DGKZ: variants seen among roughly 807,000 people sequenced by gnomAD.
The protein encoded by DGKZ is diacylglycerol kinase zeta.
A neutral mutation model predicts 142.5 loss-of-function variants in DGKZ; 45 were observed. That is an observed-to-expected ratio of 0.32 (90% CI 0.25 to 0.40). The LOEUF is 0.40. Among genes scored for constraint, DGKZ ranks in the 10% least tolerant of loss-of-function variants. The pLI is 1.00. For synonymous variants in DGKZ, 442 were observed against 527.0 expected (o/e 0.84, Z 2.21); for missense variants, 755 against 1,306.5 (o/e 0.58, Z 6.51).
intron 4 of DGKZ, chr11:46,368,617 C>T (rs900609990): frequency 1.6e-5 from 4 of 253,634 alleles, no homozygotes; most frequent in Non-Finnish European, 3.2e-5. Context: ...GGCCATCATA[C>T]GGGAGAGACT....
chr11:46,367,521 CA>C lies in DGKZ; in HGVS notation c.270+123del. On this transcript the variant is annotated intron_variant, in intron 2 of 30. Coordinates refer to ENST00000527911, the Ensembl canonical transcript of DGKZ. The surrounding 1 kb of genome is among the most constrained non-coding windows in gnomAD (Gnocchi z 4.1). ...GCCTGGAAGGGTTGGGACAGTGGGG[CA>C]GACGGAACAGAGCAGGGTCGATCGG... 7.7e-7 allele frequency: 1 copy of C among 1,303,232 alleles called. No homozygotes were observed. 80.7% of individuals were successfully genotyped at this position (1,303,232 alleles called of 1,614,324 possible). A position where few individuals can be genotyped will look rare whatever the true frequency, so the allele number is the denominator to read the frequency against.
chr11:46,332,950 G>T (rs1939842319), exon 1 of DGKZ: 1 of 249,228 alleles, frequency 4.0e-6, no homozygotes. Context: ...CAGCAGCGGC[G>T]GTTGCAGGAG....
At chr11:46,341,814 A>T (rs1394616229) in intron 1 of DGKZ, among the ~76,000 whole-genome samples, 1 of 152,156 alleles carries the variant, frequency 6.6e-6, no homozygotes, top group Non-Finnish European at 1.5e-5. Context: ...GAATGCGAAA[A>T]GGGGGAGGAG....
In DGKZ at chr11:46,333,385, AG is replaced by A; in HGVS notation, c.112del (p.Val38SerfsTer98). On this transcript the variant is annotated frameshift_variant, in exon 1 of 31. Coordinates refer to the DGKZ transcript ENST00000343674. LOFTEE classifies it high-confidence loss of function. ...CGATGCCGGCGCGGGGAGGAGGCCC[AG>A]GTCGCGCAGCCCTGGCCCGAGGGTT... The A allele has an allele frequency of 7.0e-7, 1 of 1,426,912 alleles. No homozygotes were observed. The highest frequency in any genetic ancestry group is 9.1e-7 in the Non-Finnish European group (1 of 1,098,616). 88.4% of individuals were successfully genotyped at this position (1,426,912 alleles called of 1,614,324 possible). A position where few individuals can be genotyped will look rare whatever the true frequency, so the allele number is the denominator to read the frequency against.
At position 46,378,462 on chromosome 11, in the gene DGKZ, G is replaced by T. The variant is rs1944814832; in HGVS notation, c.2380G>T (p.Glu794Ter). The change falls in exon 27 of 31, where the codon GAG (glutamate) becomes TAG (stop). Residue 794 changes from glutamate (E) to a stop codon, truncating the protein, a stop_gained. Transcript: ENST00000527911. LOFTEE classifies it high-confidence loss of function. ...CAGGCAGGTATTCCGTGCAGGTGAA[G>T]AGCTGATTGAGGCTGCCAAGAGGAA... The T allele has an allele frequency of 6.2e-7, 1 of 1,603,898 alleles. No homozygotes were observed. The highest frequency in any genetic ancestry group is 8.5e-7 in the Non-Finnish European group (1 of 1,173,618).
chr11:46,377,375 G>A, intron 25 of DGKZ, 163 bp downstream of exon 25: 3 of 1,330,148 alleles, frequency 2.3e-6, no homozygotes, highest in African/African-American at 1.5e-5. Context: ...GTGGTTCTGT[G>A]GGGAAGCGGC....
exon 31 of DGKZ, chr11:46,379,846 C>A: frequency 6.2e-7 from 1 of 1,610,286 alleles, no homozygotes; most frequent in Non-Finnish European, 8.5e-7. Flanking sequence ...CACTCCCCGG[C>A]AGCGGGCTGA....
chr11:46,359,286 C>CA (rs941904745), intron 1 of DGKZ, among the ~76,000 whole-genome samples: 89 of 150,062 alleles, frequency 5.9e-4, no homozygotes, highest in African/African-American at 1.9e-3. Flanking sequence ...ACTAAAAATA[C>CA]AAAAAAAAAT....
upstream of DGKZ, chr11:46,347,431 C>G (rs2136391974): frequency 1.0e-6 from 1 of 982,632 alleles, no homozygotes; most frequent in Non-Finnish European, 1.2e-6. This position sits in a 1 kb window ranked among gnomAD's most constrained non-coding sequence, Gnocchi z 6.4. Flanking sequence ...GCGGCCCGGC[C>G]AGCTATGCGG....
intron 24 of DGKZ, 171 bp downstream of exon 24, chr11:46,376,735 A>C: frequency 1.1e-6 from 1 of 910,510 alleles, no homozygotes; most frequent in Non-Finnish European, 1.7e-6. Context: ...TGCCCTCCAC[A>C]CTGGAGAGTA....
exon 25 of DGKZ, chr11:46,377,142 G>A (rs756171242): frequency 6.2e-7 from 1 of 1,612,868 alleles, no homozygotes; most frequent in Non-Finnish European, 8.5e-7. Context: ...GCTGCTGGGG[G>A]CATCGGCCCG....
chr11:46,346,629 T>C (rs1233199848), upstream of DGKZ, among the ~76,000 whole-genome samples: 1 of 152,158 alleles, frequency 6.6e-6, no homozygotes, highest in South Asian at 2.1e-4. Flanking sequence ...TGGGAGTATT[T>C]GTATGTAGGA....
chr11:46,376,517 C>T lies in DGKZ; in HGVS notation c.2162-7C>T. ...TCCCTGATCCTCAGCTGCCCTCTCT[C>T]CCACAGCCACCACTGCCAGCCGCTT... On this transcript the variant is annotated splice_region_variant and splice_polypyrimidine_tract_variant and intron_variant, in intron 23 of 30. Coordinates refer to ENST00000527911, the Ensembl canonical transcript of DGKZ. The T allele has an allele frequency of 6.2e-7, 1 of 1,613,746 alleles. No homozygotes were observed. Among genetic ancestry groups the T allele is most frequent in the Non-Finnish European group, 8.5e-7 (1 of 1,179,994 alleles).
At chr11:46,379,667 A>G in intron 30 of DGKZ, 99 bp downstream of exon 30, 1 of 1,326,394 alleles carries the variant, frequency 7.5e-7, no homozygotes, top group Non-Finnish European at 1.0e-6. Flanking sequence ...CTGGGAAGAC[A>G]CAGTCCAGAC....
intron 25 of DGKZ, 191 bp from the exon 26 acceptor site, chr11:46,378,007 A>G (rs1944750609): frequency 3.0e-6 from 2 of 662,154 alleles, no homozygotes; most frequent in Non-Finnish European, 5.3e-6. Flanking sequence ...ACTAGAATGT[A>G]AGCTCCATGA....
intron 6 of DGKZ, 58 bp from the exon 7 acceptor site, chr11:46,371,255 G>A: frequency 2.6e-6 from 4 of 1,539,978 alleles, no homozygotes; most frequent in Non-Finnish European, 3.6e-6. Flanking sequence ...ACCAGGAGAG[G>A]GGCTGGGTCT....
rs1241444978 is a variant in DGKZ at position 46,374,676 on chromosome 11, G to C, written c.1524+10G>C. 1 of 1,600,446 alleles carries C rather than the reference G, an allele frequency of 6.2e-7. No individual in the cohort carries two copies. The highest frequency in any genetic ancestry group is 2.2e-5 in the East Asian group (1 of 44,738). ...GCACATCCGAGTGGTGGTGAGCGGG[G>C]CCAGGCTGCCGTGGGTGGGTGGGCC... On this transcript the variant is annotated intron_variant, in intron 17 of 30. Transcript: ENST00000527911.
intron 1 of DGKZ, among the ~76,000 whole-genome samples, chr11:46,335,431 A>ACG (rs1939968397): frequency 6.8e-6 from 1 of 146,038 alleles, no homozygotes; most frequent in African/African-American, 2.7e-5. Flanking sequence ...GTGCACGCAC[A>ACG]CACACACACA....
At chr11:46,369,541 T>C in exon 5 of DGKZ, 3 of 1,612,918 alleles carry the variant, frequency 1.9e-6, no homozygotes, top group Non-Finnish European at 2.5e-6. Context: ...GCTCCAGGAA[T>C]GTCCGCGAGG....
Sources: gnomAD v4.1 joint callset for allele counts (sites outside exome capture counted in the v4.1 genomes callset) on GRCh38, gnomAD v4.1.1 for gene constraint, Gnocchi (gnomAD v3.1) non-coding constraint, MANE v1.5 for transcripts, NCBI Gene and HGNC (gene_info 2026-07-23, HGNC 2026-07-21) for gene names.